ANKRD33B: variants seen among roughly 807,000 people sequenced by gnomAD.
ANKRD33B encodes ankyrin repeat domain 33B.
In ANKRD33B, 6 loss-of-function variants were observed where a neutral mutation model predicts 21.5. That is an observed-to-expected ratio of 0.28 (90% CI 0.15 to 0.55). The LOEUF (loss-of-function observed/expected upper bound fraction) is 0.55. Among genes scored for constraint, ANKRD33B ranks in the 20% least tolerant of loss-of-function variants. The pLI is 0.94. For missense variants in ANKRD33B, 698 were observed against 747.2 expected (o/e 0.93, Z 0.77); for synonymous variants, 347 against 342.4 (o/e 1.01, Z -0.15).
At chr5:10,602,621 G>A (rs191668649) in intron 1 of ANKRD33B, among the ~76,000 whole-genome samples, 43 of 152,328 alleles carry the variant, frequency 2.8e-4, no homozygotes, top group Non-Finnish European at 6.0e-4. Context: ...CTGGCTGGGA[G>A]CCTCCGGAGT....
chr5:10,632,013 C>G (rs1449605575), intron 2 of ANKRD33B, among the ~76,000 whole-genome samples: 1 of 152,096 alleles, frequency 6.6e-6, no homozygotes, highest in Non-Finnish European at 1.5e-5. Context: ...GAAAGAAAGC[C>G]TCACGGTTAG....
chr5:10,649,853 C>CA lies in ANKRD33B; in HGVS notation c.1225_1226insA (p.Leu409HisfsTer157). On this transcript the variant is annotated frameshift_variant, in exon 4 of 4. Transcript: ENST00000296657. LOFTEE classifies it high-confidence loss of function. ...CCCGCGGAAGGCCAGCCTCCTGCCC[C>CA]TGCAGCGCCTGCGGCGGAGAAGCGT... 1 of 1,423,234 alleles carries CA rather than the reference C, an allele frequency of 7.0e-7. No homozygotes were observed. Among genetic ancestry groups the CA allele is most frequent in the East Asian group, 3.0e-5 (1 of 32,982 alleles). The allele number at this position is 1,423,234 out of a possible 1,614,324, so 88.2% of individuals were successfully genotyped here.
rs1017880946 is a variant in ANKRD33B at position 10,618,414 on chromosome 5, T to G, written c.448T>G (p.Trp150Gly). ...AGAGTGCCCCCACGTTGACGTCAAC[T>G]GGCAGGACAGCGAGGGGAACACAGC... is the stretch of plus-strand genomic sequence containing the variant. ...LAECPHVDVN[W>G]QDSEGNTALI... Residue 150 changes from tryptophan to glycine, a missense_variant, in exon 2 of 4, where the codon TGG (tryptophan) becomes GGG (glycine). Trp to Gly is a radical substitution (Grantham distance 184). Around this residue, in one of 3 missense-constraint regions of ANKRD33B, gnomAD observed 543 missense variants for 566.5 expected, o/e 0.96. Coordinates refer to ENST00000296657, the MANE Select transcript of ANKRD33B (RefSeq NM_001164440.2). The G allele has an allele frequency of 2.6e-5, 40 of 1,537,572 alleles. No homozygotes were observed. The Admixed American group carries it at 3.7e-4, about 14-fold the overall frequency.
chr5:10,575,234 C>G (rs1735292950), intron 1 of ANKRD33B, among the ~76,000 whole-genome samples: 1 of 151,764 alleles, frequency 6.6e-6, no homozygotes, highest in Non-Finnish European at 1.5e-5. Context: ...ACCGTCCTGG[C>G]CAACATGGTG....
intron 1 of ANKRD33B, among the ~76,000 whole-genome samples, chr5:10,606,605 G>A (rs988598011): frequency 3.3e-5 from 5 of 152,082 alleles, no homozygotes; most frequent in Admixed American, 6.5e-5. Context: ...GTGTTGGCGA[G>A]TGCCTGTAGT....
At chr5:10,579,248 A>T (rs548120962) in intron 1 of ANKRD33B, among the ~76,000 whole-genome samples, 17 of 151,646 alleles carry the variant, frequency 1.1e-4, no homozygotes, top group African/African-American at 4.1e-4. Context: ...AAAATACTTA[A>T]ATACTCATAT....
At chr5:10,638,213 C>A in intron 3 of ANKRD33B, 45 bp downstream of exon 3, 1 of 1,523,228 alleles carries the variant, frequency 6.6e-7, no homozygotes, top group Admixed American at 2.1e-5. Flanking sequence ...CCTGGGACAC[C>A]AGAGTTGCTC....
intron 1 of ANKRD33B, among the ~76,000 whole-genome samples, chr5:10,565,599 T>C (rs958298769): frequency 3.9e-5 from 6 of 152,152 alleles, no homozygotes; most frequent in African/African-American, 1.4e-4. Context: ...CCTTTCGTTA[T>C]GACCAGATTC....
At chr5:10,607,937 C>T (rs1560972103) in intron 1 of ANKRD33B, among the ~76,000 whole-genome samples, 1 of 152,166 alleles carries the variant, frequency 6.6e-6, no homozygotes, top group Non-Finnish European at 1.5e-5. Context: ...CTGAGCATGT[C>T]GTCTTAGGCG....
intron 1 of ANKRD33B, among the ~76,000 whole-genome samples, chr5:10,586,139 T>C (rs1182171795): frequency 6.6e-6 from 1 of 152,068 alleles, no homozygotes; most frequent in Non-Finnish European, 1.5e-5. Flanking sequence ...CACCGAGAAA[T>C]ACAGTCATCC....
intron 1 of ANKRD33B, among the ~76,000 whole-genome samples, chr5:10,582,534 T>A (rs891262972): frequency 2.6e-5 from 4 of 152,246 alleles, no homozygotes; most frequent in African/African-American, 9.6e-5. Flanking sequence ...GTGGCTTTTT[T>A]ATTTTCTTTT....
In ANKRD33B at chr5:10,613,898, CAAAA is replaced by C. The variant is rs34433484; in HGVS notation, c.367-4422_367-4419del. Among the ~76,000 whole-genome samples the C allele has an allele frequency of 1.5e-4, 16 of 109,066 alleles. 1 individual carries two copies. Among genetic ancestry groups the C allele is most frequent in the African/African-American group, 4.8e-4 (16 of 33,022 alleles). The allele number at this position is 109,066 out of a possible 152,430, so 71.6% of individuals were successfully genotyped here. ...CTGGTGACAGAGAGAGACTCCATCT[CAAAA>C]AAAAAAAAAAAAGTTGAAAGTAGTT... On this transcript the variant is annotated intron_variant, in intron 1 of 3. Coordinates refer to ENST00000296657, the MANE Select transcript of ANKRD33B (RefSeq NM_001164440.2).
chr5:10,624,930 GT>G (rs1165425266), intron 2 of ANKRD33B: 1 of 386,456 alleles, frequency 2.6e-6, no homozygotes, highest in Non-Finnish European at 5.1e-6. Flanking sequence ...AGGTTTCCTG[GT>G]GAGGCTGATG....
intron 2 of ANKRD33B, among the ~76,000 whole-genome samples, chr5:10,622,163 GT>G (rs1373748870): frequency 6.6e-6 from 1 of 152,228 alleles, no homozygotes; most frequent in Non-Finnish European, 1.5e-5. Context: ...TGGACAATCA[GT>G]TTTACAGCTT....
intron 1 of ANKRD33B, among the ~76,000 whole-genome samples, chr5:10,601,691 C>T (rs1307288033): frequency 1.3e-5 from 2 of 152,286 alleles, no homozygotes; most frequent in African/African-American, 4.8e-5. Context: ...CGACAGCCAG[C>T]TGAAAGCGGT....
In ANKRD33B at chr5:10,633,785, C is replaced by T. The variant is rs369451013; in HGVS notation, c.497-4243C>T. On this transcript the variant is annotated intron_variant, in intron 2 of 3. Coordinates refer to ENST00000296657, the MANE Select transcript of ANKRD33B (RefSeq NM_001164440.2). ...CAGAATGTTCCTTAATTTGGACGTG[C>T]CTGATGCTTTTCTTGTGATGAGACT... Among the ~76,000 whole-genome samples the T allele has an allele frequency of 6.0e-4, 91 of 152,204 alleles. No individual in the cohort carries two copies. The Middle Eastern group carries it at 0.014, about 23-fold the overall frequency.
intron 1 of ANKRD33B, among the ~76,000 whole-genome samples, chr5:10,601,036 C>T (rs6554588): frequency 0.32 from 49,061 of 151,940 alleles, 8,387 homozygotes; most frequent in Admixed American, 0.47. Context: ...ATGTGGAAGC[C>T]ACCGCCCTGA....
intron 3 of ANKRD33B, among the ~76,000 whole-genome samples, chr5:10,644,619 G>A (rs1737148879): frequency 6.6e-6 from 1 of 152,214 alleles, no homozygotes; most frequent in Non-Finnish European, 1.5e-5. Context: ...GTGGGTCAGA[G>A]GGTTGCTCTT....
intron 1 of ANKRD33B, among the ~76,000 whole-genome samples, chr5:10,601,755 A>G (rs1246424114): frequency 6.6e-6 from 1 of 152,220 alleles, no homozygotes; most frequent in Non-Finnish European, 1.5e-5. Context: ...GTTTAGTCAC[A>G]CACATTTTAA....
Sources: gnomAD v4.1 joint callset for allele counts (sites outside exome capture counted in the v4.1 genomes callset) on GRCh38, gnomAD v4.1.1 for gene constraint, gnomAD v4.1.1 regional missense constraint, MANE v1.5 for transcripts, NCBI Gene and HGNC (gene_info 2026-07-23, HGNC 2026-07-21) for gene names.